BCAS3: variants seen among roughly 807,000 people sequenced by gnomAD.
BCAS3 encodes BCAS4/BCAS3 fusion.
In BCAS3, 53 loss-of-function variants were observed where a neutral mutation model predicts 116.1. That is an observed-to-expected ratio of 0.46 (90% confidence interval 0.37 to 0.57). BCAS3 has a LOEUF of 0.57. Among genes scored for constraint, BCAS3 ranks in the 20% least tolerant of loss-of-function variants. BCAS3 has a pLI of 0.00. For missense variants in BCAS3, 917 were observed against 1,165.4 expected (o/e 0.79, Z 3.10); for synonymous variants, 391 against 408.2 (o/e 0.96, Z 0.51).
Position 61,056,071 on chromosome 17 carries a change from T to C in BCAS3, c.2029+15179T>C, listed in dbSNP as rs530727443. On this transcript the variant is annotated intron_variant, in intron 19 of 23. Coordinates refer to ENST00000407086, the MANE Select transcript of BCAS3 (RefSeq NM_017679.5). The surrounding 1 kb of genome is among the most constrained non-coding windows in gnomAD (Gnocchi z 4.9). ...GCTGGAAAAGGATTTGACCCTTCCT[T>C]GGTCACTGCATTCCAGATTTCTTTC... 1.5e-3 allele frequency among the ~76,000 whole-genome samples: 226 copies of C among 152,348 alleles called. No individual in the cohort carries two copies. Among genetic ancestry groups the C allele is most frequent in the African/African-American group, 5.2e-3 (218 of 41,584 alleles).
Position 61,083,735 on chromosome 17 carries a change from A to G in BCAS3, c.2328-732A>G, listed in dbSNP as rs2072846620. Reference sequence around the variant, plus strand: ...CTCAGCCTCTTGAGTAGCTGGGACTATAGGTGCATGCCACCACACCCGGCT... The same window carrying G: ...CTCAGCCTCTTGAGTAGCTGGGACTGTAGGTGCATGCCACCACACCCGGCT... On this transcript the variant is annotated intron_variant, in intron 21 of 23. Transcript: ENST00000407086. The surrounding 1 kb of genome is among the most constrained non-coding windows in gnomAD (Gnocchi z 4.9). 6.6e-6 allele frequency among the ~76,000 whole-genome samples: 1 copy of G among 151,726 alleles called. No homozygotes were observed. The highest frequency in any genetic ancestry group is 2.1e-4 in the South Asian group (1 of 4,808).
intron 4 of BCAS3, among the ~76,000 whole-genome samples, chr17:60,707,608 CAT>C (rs1385254921): frequency 2.0e-5 from 3 of 152,184 alleles, no homozygotes; most frequent in African/African-American, 7.2e-5. Flanking sequence ...TGTTCTGCCT[CAT>C]AGGGAGGAAG....
At chr17:61,334,424 T>TG (rs1311838858) in intron 22 of BCAS3, among the ~76,000 whole-genome samples, 2 of 152,078 alleles carry the variant, frequency 1.3e-5, no homozygotes, top group Non-Finnish European at 2.9e-5. Flanking sequence ...CCCAGCACTT[T>TG]GGGGGGCCAA....
Position 61,251,442 on chromosome 17 carries a change from C to A in BCAS3, c.2426-116885C>A, listed in dbSNP as rs569109285. On this transcript the variant is annotated intron_variant, in intron 22 of 23. Coordinates refer to ENST00000407086, the MANE Select transcript of BCAS3 (RefSeq NM_017679.5). The surrounding 1 kb of genome is among the most constrained non-coding windows in gnomAD (Gnocchi z 4.7). ...AAAATTAGCCGGGCCTGGTGGCGGG[C>A]GCCTATAATCCCAACTACTAGGGAG... Among the ~76,000 whole-genome samples the A allele has an allele frequency of 1.3e-5, 2 of 152,086 alleles. No homozygotes were observed. Among genetic ancestry groups the A allele is most frequent in the East Asian group, 1.9e-4 (1 of 5,168 alleles).
chr17:60,970,764 A>G (rs1214221930), intron 14 of BCAS3, among the ~76,000 whole-genome samples: 1 of 152,214 alleles, frequency 6.6e-6, no homozygotes, highest in Admixed American at 6.5e-5. Flanking sequence ...AAATAAAATC[A>G]GAATTAATAG....
At position 60,868,689 on chromosome 17, in the gene BCAS3, G is replaced by T. The variant is rs185132789; in HGVS notation, c.584+6G>T. 128 of 1,543,276 alleles carry T rather than the reference G, an allele frequency of 8.3e-5. No homozygotes were observed. In the African/African-American group the frequency reaches 1.6e-3, roughly 19 times the overall value. ...GATCTCCATTGCAATAAACGGTAAG[G>T]ATTTTTTCATGGGTTTCTTGTGTAA... On this transcript the variant is annotated splice_donor_region_variant and intron_variant, in intron 8 of 23. Coordinates refer to ENST00000407086, the MANE Select transcript of BCAS3 (RefSeq NM_017679.5).
At chr17:61,057,685 T>TC (rs1294447792) in intron 19 of BCAS3, among the ~76,000 whole-genome samples, 10 of 152,114 alleles carry the variant, frequency 6.6e-5, no homozygotes, top group African/African-American at 2.4e-4. Context: ...TTTTTTTTTT[T>TC]TCACATTTTA....
intron 9 of BCAS3, among the ~76,000 whole-genome samples, chr17:60,881,822 T>C: frequency 6.8e-6 from 1 of 147,720 alleles, no homozygotes; most frequent in Admixed American, 6.7e-5. Context: ...TGCCACATTT[T>C]CTTAATCCAG....
At chr17:61,372,894 A>T (rs1356842037) in intron 23 of BCAS3, among the ~76,000 whole-genome samples, 1 of 152,112 alleles carries the variant, frequency 6.6e-6, no homozygotes, top group African/African-American at 2.4e-5. Context: ...TTTTGTGTCT[A>T]GGTAAAGATA....
intron 14 of BCAS3, among the ~76,000 whole-genome samples, chr17:60,957,401 G>T (rs1167075339): frequency 1.3e-5 from 2 of 151,996 alleles, no homozygotes; most frequent in African/African-American, 4.8e-5. Flanking sequence ...CCTAGTTATG[G>T]TTTTACTAAT....
At chr17:60,862,975 A>G (rs1328576403) in intron 7 of BCAS3, among the ~76,000 whole-genome samples, 2 of 152,184 alleles carry the variant, frequency 1.3e-5, no homozygotes, top group Admixed American at 6.5e-5. Context: ...TGTTTAAGAA[A>G]TAGGTTACAA....
chr17:61,205,432 A>G lies in BCAS3; in HGVS notation c.2425+120868A>G, dbSNP rs548419873. Among the ~76,000 whole-genome samples, 28 of 152,340 alleles carry G rather than the reference A, an allele frequency of 1.8e-4. 1 individual carries two copies. Among genetic ancestry groups the G allele is most frequent in the South Asian group, 1.0e-3 (5 of 4,830 alleles). ...CATTTCTGCATACTTCTAATTCTACAAGAAAGATAGCTGTTGAGAGAGCTA... is the reference window on the plus strand; with the variant it reads ...CATTTCTGCATACTTCTAATTCTACGAGAAAGATAGCTGTTGAGAGAGCTA... On this transcript the variant is annotated intron_variant, in intron 22 of 23. Coordinates refer to ENST00000407086, the MANE Select transcript of BCAS3 (RefSeq NM_017679.5). The surrounding 1 kb of genome is among the most constrained non-coding windows in gnomAD (Gnocchi z 5.2).
At chr17:61,024,951 C>T (rs1334162154) in intron 16 of BCAS3, among the ~76,000 whole-genome samples, 5 of 152,032 alleles carry the variant, frequency 3.3e-5, no homozygotes, top group African/African-American at 1.2e-4. Flanking sequence ...AATATAACGA[C>T]GTAAGCCTGG....
At chr17:61,304,757 C>CTT (rs67145055) in intron 22 of BCAS3, among the ~76,000 whole-genome samples, 1 of 144,580 alleles carries the variant, frequency 6.9e-6, no homozygotes, top group Non-Finnish European at 1.5e-5. Flanking sequence ...CTTCCCAATC[C>CTT]TTTTTTTTTT....
At chr17:60,976,386 G>T (rs192707753) in intron 14 of BCAS3, among the ~76,000 whole-genome samples, 141 of 149,510 alleles carry the variant, frequency 9.4e-4, no homozygotes, top group African/African-American at 3.3e-3. Context: ...GAGTGAAAAT[G>T]CTGGGTCATA....
intron 22 of BCAS3, among the ~76,000 whole-genome samples, chr17:61,117,780 A>T (rs986339928): frequency 2.0e-5 from 3 of 152,098 alleles, no homozygotes; most frequent in African/African-American, 7.2e-5. Flanking sequence ...GCCACCCCCT[A>T]CATGCATAGC....
In BCAS3 at chr17:61,130,388, C is replaced by G. The variant is rs1018416447; in HGVS notation, c.2425+45824C>G. 1.3e-5 allele frequency among the ~76,000 whole-genome samples: 2 copies of G among 152,020 alleles called. No homozygotes were observed. The highest frequency in any genetic ancestry group is 2.9e-5 in the Non-Finnish European group (2 of 67,994). On this transcript the variant is annotated intron_variant, in intron 22 of 23. Coordinates refer to ENST00000407086, the MANE Select transcript of BCAS3 (RefSeq NM_017679.5). This position sits in a 1 kb window ranked among gnomAD's most constrained non-coding sequence, Gnocchi z 5.0. Reference sequence around the variant, plus strand: ...TATCCAAAAGAACCACAATACAACCCAAGACCCCAATCATTAGAATAACCA... The same window carrying G: ...TATCCAAAAGAACCACAATACAACCGAAGACCCCAATCATTAGAATAACCA...
intron 23 of BCAS3, among the ~76,000 whole-genome samples, chr17:61,373,858 T>C (rs1331081403): frequency 5.3e-5 from 6 of 113,510 alleles, no homozygotes; most frequent in African/African-American, 1.0e-4. Flanking sequence ...AGTACAGTGG[T>C]GCGATCTCGG....
intron 6 of BCAS3, among the ~76,000 whole-genome samples, chr17:60,805,772 G>T (rs1331384519): frequency 2.0e-5 from 3 of 151,444 alleles, no homozygotes; most frequent in Non-Finnish European, 4.4e-5. Context: ...AGGTTGCAGC[G>T]AGCCCAGATC....
Sources: gnomAD v4.1 joint callset for allele counts (sites outside exome capture counted in the v4.1 genomes callset) on GRCh38, gnomAD v4.1.1 for gene constraint, Gnocchi (gnomAD v3.1) non-coding constraint, MANE v1.5 for transcripts, NCBI Gene and HGNC (gene_info 2026-07-23, HGNC 2026-07-21) for gene names.